Variants in STXBP5L observed in about 807,000 individuals in gnomAD.
STXBP5L encodes syntaxin binding protein 5L.
STXBP5L carries 65 observed loss-of-function variants against 144.5 expected under a neutral mutation model. The ratio of observed to expected loss-of-function variants is 0.45; its 90% CI spans 0.37 to 0.55. The LOEUF (loss-of-function observed/expected upper bound fraction) is 0.55, where lower values mean the gene tolerates loss of function less well. STXBP5L is among the 20% of genes least tolerant of loss of function. The pLI, the probability that STXBP5L is intolerant of heterozygous loss-of-function variation, is 0.00. For missense variants in STXBP5L, 1,298 were observed against 1,405.5 expected (o/e 0.92, Z 1.22); for synonymous variants, 505 against 469.6 (o/e 1.08, Z -0.97).
chr3:120,910,901 C>A (rs1033492553), intron 2 of STXBP5L, among the ~76,000 whole-genome samples: 1 of 151,926 alleles, frequency 6.6e-6, no homozygotes, highest in Non-Finnish European at 1.5e-5. Flanking sequence ...AATTTGTGTA[C>A]AGTAATAATT....
At chr3:121,231,158 G>A (rs1315326702) in intron 11 of STXBP5L, among the ~76,000 whole-genome samples, 2 of 152,168 alleles carry the variant, frequency 1.3e-5, no homozygotes, top group Admixed American at 6.5e-5. Context: ...CCTCAAGAGT[G>A]TACGGCCATT....
At chr3:121,138,786 T>C (rs984960180) in intron 7 of STXBP5L, among the ~76,000 whole-genome samples, 1 of 151,268 alleles carries the variant, frequency 6.6e-6, no homozygotes, top group Non-Finnish European at 1.5e-5. Context: ...TGTAAATCCT[T>C]AAACTATTAA....
intron 14 of STXBP5L, among the ~76,000 whole-genome samples, chr3:121,242,488 T>TA (rs1034129412): frequency 6.6e-6 from 1 of 151,910 alleles, no homozygotes; most frequent in South Asian, 2.1e-4. Flanking sequence ...ATGTAATACC[T>TA]AAAAAAACTG....
Position 121,259,201 on chromosome 3 carries a change from A to G in STXBP5L, c.1958+33A>G, listed in dbSNP as rs369983009. 4.3e-5 allele frequency: 62 copies of G among 1,445,250 alleles called. No individual in the cohort carries two copies. The African/African-American group carries it at 8.0e-4, about 19-fold the overall frequency. The allele number at this position is 1,445,250 out of a possible 1,614,324, so 89.5% of individuals were successfully genotyped here. A position where few individuals can be genotyped will look rare whatever the true frequency, so the allele number is the denominator to read the frequency against. The stretch of plus-strand genomic sequence containing the variant: ...ATTAAACTTTTTTATGATATGTATT[A>G]TTTAGCTAATATGTTTGATTTTTTA... On this transcript the variant is annotated intron_variant, in intron 18 of 26. Transcript: ENST00000471454.
At chr3:120,977,290 C>G (rs1168973600) in intron 3 of STXBP5L, among the ~76,000 whole-genome samples, 1 of 152,124 alleles carries the variant, frequency 6.6e-6, no homozygotes, top group African/African-American at 2.4e-5. Flanking sequence ...ATCCCTTTAC[C>G]ATTATGTAAT....
chr3:121,045,574 CA>C, intron 5 of STXBP5L, 39 bp downstream of exon 5: 4 of 1,561,690 alleles, frequency 2.6e-6, no homozygotes, highest in Non-Finnish European at 3.5e-6. Flanking sequence ...TAATGTACAA[CA>C]AAATTATTTC....
chr3:120,943,622 A>G (rs1286377595), intron 2 of STXBP5L, among the ~76,000 whole-genome samples: 2 of 151,682 alleles, frequency 1.3e-5, no homozygotes, highest in Admixed American at 6.6e-5. Flanking sequence ...TTTTGCACCT[A>G]TATTTATAAG....
rs542431792 is a variant in STXBP5L at position 121,393,093 on chromosome 3, A to AT, written c.2587+11568dup. 8.0e-4 allele frequency among the ~76,000 whole-genome samples: 121 copies of AT among 151,230 alleles called. No individual in the cohort carries two copies. In the East Asian group the frequency reaches 0.011, roughly 14 times the overall value. Reference sequence around the variant, plus strand: ...TTTCTCTGCATCTTTGCCAAAGTCTATTTTTTTATTTTTTATTAATAGCCA... The same window carrying AT: ...TTTCTCTGCATCTTTGCCAAAGTCTATTTTTTTTATTTTTTATTAATAGCCA... On this transcript the variant is annotated intron_variant, in intron 22 of 26. Coordinates refer to ENST00000471454, the MANE Select transcript of STXBP5L (RefSeq NM_001308330.2).
intron 3 of STXBP5L, among the ~76,000 whole-genome samples, chr3:120,979,815 A>C (rs372160326): frequency 2.4e-4 from 37 of 152,032 alleles, no homozygotes; most frequent in African/African-American, 8.9e-4. Context: ...GTGACTGTAG[A>C]TTGTCAGTTG....
chr3:121,413,222 C>A lies in STXBP5L; in HGVS notation c.3013C>A (p.Arg1005=). The A allele has an allele frequency of 6.2e-7, 1 of 1,610,536 alleles. No individual in the cohort carries two copies. Among genetic ancestry groups the A allele is most frequent in the African/African-American group, 1.3e-5 (1 of 74,864 alleles). The change falls in exon 24 of 27, where the codon CGA becomes AGA. Residue 1005 remains arginine, a synonymous_variant. Coordinates refer to ENST00000471454, the MANE Select transcript of STXBP5L (RefSeq NM_001308330.2). ...YLPLTDMRIA[R]TFCFTNEGQA... is the part of the protein sequence containing the mutation. ...GCCACTGACAGACATGAGGATAGCACGAACATTTTGTTTTACCAATGAAGG... is the reference window on the plus strand; with the variant it reads ...GCCACTGACAGACATGAGGATAGCAAGAACATTTTGTTTTACCAATGAAGG...
intron 3 of STXBP5L, among the ~76,000 whole-genome samples, chr3:120,990,224 T>A (rs1394102892): frequency 6.6e-6 from 1 of 151,958 alleles, no homozygotes; most frequent in East Asian, 1.9e-4. Flanking sequence ...TCAAAGAGAA[T>A]AAAATCCTAG....
At chr3:121,010,117 A>G (rs1312876432) in intron 3 of STXBP5L, among the ~76,000 whole-genome samples, 2 of 151,862 alleles carry the variant, frequency 1.3e-5, no homozygotes, top group African/African-American at 4.8e-5. Flanking sequence ...ACTCAGACCT[A>G]TTAATTAATT....
chr3:121,003,758 G>C (rs1288648800), intron 3 of STXBP5L, among the ~76,000 whole-genome samples: 1 of 152,118 alleles, frequency 6.6e-6, no homozygotes, highest in Non-Finnish European at 1.5e-5. Context: ...TCCAGTTTCA[G>C]CTTTCTACAT....
At chr3:121,209,036 G>T (rs1429448582) in intron 10 of STXBP5L, among the ~76,000 whole-genome samples, 1 of 152,054 alleles carries the variant, frequency 6.6e-6, no homozygotes, top group African/African-American at 2.4e-5. Flanking sequence ...TTCTGTTCCG[G>T]TGTTAGTTTG....
intron 3 of STXBP5L, among the ~76,000 whole-genome samples, chr3:120,980,858 T>C (rs1941697439): frequency 6.6e-6 from 1 of 152,204 alleles, no homozygotes; most frequent in Non-Finnish European, 1.5e-5. Context: ...CATTTCCACG[T>C]TTTGAACTCC....
At chr3:121,146,999 A>G (rs1482037278) in intron 7 of STXBP5L, among the ~76,000 whole-genome samples, 1 of 152,096 alleles carries the variant, frequency 6.6e-6, no homozygotes, top group Non-Finnish European at 1.5e-5. Flanking sequence ...CAAATCTACA[A>G]TTGTAGTTGG....
intron 2 of STXBP5L, among the ~76,000 whole-genome samples, chr3:120,911,651 T>C (rs1347133385): frequency 2.0e-5 from 3 of 152,094 alleles, no homozygotes; most frequent in African/African-American, 7.2e-5. Flanking sequence ...GTAGAGCGAA[T>C]ATAACTAGTG....
intron 12 of STXBP5L, among the ~76,000 whole-genome samples, chr3:121,234,825 T>TTAGA: frequency 3.3e-5 from 5 of 152,036 alleles, no homozygotes; most frequent in African/African-American, 1.2e-4. Context: ...TGCTTATTCT[T>TTAGA]CTAAGAAGTT....
At chr3:121,046,827 G>A (rs1402367773) in intron 5 of STXBP5L, among the ~76,000 whole-genome samples, 1 of 151,964 alleles carries the variant, frequency 6.6e-6, no homozygotes, top group Non-Finnish European at 1.5e-5. Context: ...TTGATCTTTT[G>A]TATGGTTTTT....
Sources: gnomAD v4.1 joint callset for allele counts (sites outside exome capture counted in the v4.1 genomes callset) on GRCh38, gnomAD v4.1.1 for gene constraint, MANE v1.5 for transcripts, NCBI Gene and HGNC (gene_info 2026-07-23, HGNC 2026-07-21) for gene names.